Variants in TOP2A observed in about 807,000 individuals in gnomAD.
TOP2A encodes DNA topoisomerase II alpha.
Under a neutral mutation model 187.2 loss-of-function variants are expected in TOP2A, and 68 were observed. That is an observed-to-expected ratio of 0.36 (90% CI 0.30 to 0.44). The LOEUF is 0.44. TOP2A is among the 20% of genes least tolerant of loss of function. TOP2A has a pLI of 1.00. For synonymous variants in TOP2A, 542 were observed against 593.2 expected (o/e 0.91, Z 1.25); for missense variants, 1,196 against 1,808.7 (o/e 0.66, Z 6.14).
intron 13 of TOP2A, 80 bp from the exon 14 acceptor site, chr17:40,407,022 G>A (rs968854272): frequency 8.7e-7 from 1 of 1,149,278 alleles, no homozygotes; most frequent in Non-Finnish European, 1.3e-6. Context: ...CCAGAACTTT[G>A]GGAGGCCGAG....
At chr17:40,416,256 C>G (rs981624478) in intron 3 of TOP2A, among the ~76,000 whole-genome samples, 166 bp downstream of exon 3, 1 of 152,208 alleles carries the variant, frequency 6.6e-6, no homozygotes, top group South Asian at 2.1e-4. Context: ...CTCCAGGAAA[C>G]CAGCTCACCT....
chr17:40,395,306 A>G, intron 29 of TOP2A, 143 bp downstream of exon 29: 5 of 253,888 alleles, frequency 2.0e-5, no homozygotes, highest in Non-Finnish European at 3.8e-5. Flanking sequence ...AAAAAAAAAG[A>G]GGTCCAAGTA....
chr17:40,411,487 C>G lies in TOP2A; in HGVS notation c.964-32G>C, dbSNP rs770437364. 6.3e-7 allele frequency: 1 copy of G among 1,594,694 alleles called. No homozygotes were observed. On this transcript the variant is annotated intron_variant, in intron 8 of 34. Transcript: ENST00000423485. This position sits in a 1 kb window ranked among gnomAD's most constrained non-coding sequence, Gnocchi z 4.4. ...AGGAAAAATACCAAACTGTAAAACTCAGTATCCTCAAAATTATAATAATCA... is the reference window on the plus strand; with the variant it reads ...AGGAAAAATACCAAACTGTAAAACTGAGTATCCTCAAAATTATAATAATCA...
chr17:40,398,579 A>G lies in TOP2A; in HGVS notation c.3516T>C (p.Ala1172=). The G allele has an allele frequency of 6.3e-7, 1 of 1,585,438 alleles. No homozygotes were observed. Among genetic ancestry groups the G allele is most frequent in the Non-Finnish European group, 8.6e-7 (1 of 1,164,056 alleles). The change falls in exon 27 of 35, where the codon GCT becomes GCC. Residue 1172 remains alanine, a synonymous_variant. Transcript: ENST00000423485. ...SPSDLWKEDL[A]TFIEELEAVE... ...ATACCTCCAATTCTTCAATAAATGT[A>G]GCCAAGTCTTCTTTCCACAAATCTG...
In TOP2A at chr17:40,405,628, ATTTTTTATTT is replaced by A. The variant is rs1364817363; in HGVS notation, c.1953+746_1954-746del. 2.7e-5 allele frequency among the ~76,000 whole-genome samples: 4 copies of A among 148,100 alleles called. No individual in the cohort carries two copies. In the East Asian group the frequency reaches 6.0e-4, roughly 22 times the overall value. ...TGTCACCAAGCCCGGCTAATTTTTT[ATTTTTTATTT>A]TTTTTTATTTTTAGTAGAGACGGGG... On this transcript the variant is annotated intron_variant, in intron 16 of 34. Transcript: ENST00000423485.
At position 40,388,927 on chromosome 17, in the gene TOP2A, A is replaced by G. The variant is rs773636547; in HGVS notation, c.*592T>C. ...ACTGTGTCAAGTTATAGACACAGCC[A>G]AAGTGTTTTTCTTCGGCCTCTGATG... On this transcript the variant is annotated 3_prime_UTR_variant, in exon 35 of 35. Coordinates refer to ENST00000423485, the MANE Select transcript of TOP2A (RefSeq NM_001067.4). 1.6e-4 allele frequency: 34 copies of G among 207,228 alleles called. No homozygotes were observed. The highest frequency in any genetic ancestry group is 2.9e-4 in the Non-Finnish European group (29 of 101,414). The allele number at this position is 207,228 out of a possible 1,614,324, so 12.8% of individuals were successfully genotyped here.
chr17:40,407,024 G>GATTAC, intron 13 of TOP2A, 82 bp from the exon 14 acceptor site: 2 of 1,141,226 alleles, frequency 1.8e-6, no homozygotes, highest in Non-Finnish European at 2.5e-6. Context: ...AGAACTTTGG[G>GATTAC]AGGCCGAGGC....
intron 10 of TOP2A, chr17:40,409,336 A>G (rs2035289593): frequency 2.5e-6 from 1 of 401,994 alleles, no homozygotes; most frequent in South Asian, 1.9e-5. Flanking sequence ...AGATCAAGCC[A>G]CGGCACTCCA....
At chr17:40,396,527 A>G in intron 27 of TOP2A, 62 bp from the exon 28 acceptor site, 13 of 1,561,084 alleles carry the variant, frequency 8.3e-6, no homozygotes, top group Admixed American at 1.9e-5. Flanking sequence ...ATATCTAAAC[A>G]CCCAACAGTT....
chr17:40,396,517 A>C (rs374315650), intron 27 of TOP2A, 52 bp from the exon 28 acceptor site: 74 of 1,576,878 alleles, frequency 4.7e-5, no homozygotes, highest in Non-Finnish European at 6.3e-5. Context: ...AAACATTACA[A>C]TATCTAAACA....
Position 40,389,555 on chromosome 17 carries a change from C to T in TOP2A, c.4560G>A (p.Lys1520=). Residue 1520 remains lysine (K), a synonymous_variant, in exon 35 of 35, where the codon AAG becomes AAA. Coordinates refer to ENST00000423485, the MANE Select transcript of TOP2A (RefSeq NM_001067.4). ...AKSVRAKKPI[K]YLEESDEDDL... The stretch of plus-strand genomic sequence containing the variant: ...CATCTTCATCTGACTCTTCCAGGTA[C>T]TTTATAGGTTTCTTTGCCCGTACAG... The T allele has an allele frequency of 6.3e-7, 1 of 1,598,962 alleles. No individual in the cohort carries two copies. The highest frequency in any genetic ancestry group is 8.5e-7 in the Non-Finnish European group (1 of 1,172,080).
intron 33 of TOP2A, chr17:40,391,256 GAGA>G (rs1378516262): frequency 2.1e-5 from 8 of 379,242 alleles, no homozygotes; most frequent in Non-Finnish European, 3.3e-5. Flanking sequence ...GTGCAGTAGT[GAGA>G]AGGAGGGAAA....
intron 1 of TOP2A, among the ~76,000 whole-genome samples, 174 bp from the exon 2 acceptor site, chr17:40,417,069 A>G (rs935666476): frequency 1.3e-5 from 2 of 152,190 alleles, no homozygotes; most frequent in African/African-American, 2.4e-5. Context: ...CGCTGCGGCC[A>G]GGTCCCCAGG....
intron 4 of TOP2A, among the ~76,000 whole-genome samples, chr17:40,413,859 A>G (rs1192516180): frequency 6.6e-6 from 1 of 152,134 alleles, no homozygotes; most frequent in Non-Finnish European, 1.5e-5. Context: ...TTAGCCAGGC[A>G]TGGTAGCGCA....
intron 19 of TOP2A, 147 bp downstream of exon 19, chr17:40,404,005 G>T: frequency 9.9e-7 from 1 of 1,006,732 alleles, no homozygotes; most frequent in Non-Finnish European, 1.4e-6. Context: ...AAATCAAAGG[G>T]CAAGCAGTTT....
In TOP2A at chr17:40,412,816, A is replaced by G. The variant is rs375155672; in HGVS notation, c.732T>C (p.Tyr244=). The G allele has an allele frequency of 1.2e-6, 2 of 1,613,878 alleles. No homozygotes were observed. Among genetic ancestry groups the G allele is most frequent in the African/African-American group, 2.7e-5 (2 of 74,938 alleles). ...CATCTTTGGTGGATCCAGCAATATC[A>G]TATGCTCTTCTGACCATTAGTGCAA... ...DIVALMVRRA[Y]DIAGSTKDVK... is the part of the protein sequence containing the mutation. The change falls in exon 7 of 35, where the codon TAT becomes TAC. Residue 244 remains tyrosine, a synonymous_variant. Transcript: ENST00000423485.
chr17:40,399,552 T>C (rs577464536), intron 24 of TOP2A, among the ~76,000 whole-genome samples: 64 of 152,230 alleles, frequency 4.2e-4, no homozygotes, highest in African/African-American at 1.4e-3. Context: ...CTCTGTCTCT[T>C]TTATTTTCTG....
In TOP2A at chr17:40,417,884, A is replaced by T. The variant is rs2035413396; in HGVS notation, c.-93T>A. 28 of 1,566,802 alleles carry T rather than the reference A, an allele frequency of 1.8e-5. No individual in the cohort carries two copies. In the South Asian group the frequency reaches 3.2e-4, roughly 18 times the overall value. On this transcript the variant is annotated 5_prime_UTR_variant, in exon 1 of 35. Coordinates refer to ENST00000423485, the MANE Select transcript of TOP2A (RefSeq NM_001067.4). ...CCCCGACCAAGCCGCTTCTCCACAG[A>T]CGCGCGTCGGTTAGGAGAGCTCCAC...
Position 40,396,362 on chromosome 17 carries a change from G to A in TOP2A, c.3641C>T (p.Pro1214Leu), listed in dbSNP as rs970752438. ...KTQMAEVLPS[P>L]RGQRVIPRIT... ...TCGTGGAATGACTCTTTGACCACGC[G>A]GAGAAGGCAAAACTTCAGCCATTTG... Residue 1214 changes from proline (P) to leucine (L), a missense_variant, in exon 28 of 35, where the codon CCG becomes CTG. This residue lies in a region of TOP2A where 374 missense variants were observed against 403.3 expected (regional missense o/e 0.93). Transcript: ENST00000423485. The A allele has an allele frequency of 2.2e-5, 35 of 1,613,740 alleles. No individual in the cohort carries two copies. The highest frequency in any genetic ancestry group is 2.9e-5 in the Non-Finnish European group (34 of 1,179,848).
Sources: gnomAD v4.1 joint callset for allele counts (sites outside exome capture counted in the v4.1 genomes callset) on GRCh38, gnomAD v4.1.1 for gene constraint, gnomAD v4.1.1 regional missense constraint, Gnocchi (gnomAD v3.1) non-coding constraint, MANE v1.5 for transcripts, NCBI Gene and HGNC (gene_info 2026-07-23, HGNC 2026-07-21) for gene names.